NEDD4: variants seen among roughly 807,000 people sequenced by gnomAD.
NEDD4 encodes the protein E3 ubiquitin-protein ligase NEDD4.
A neutral mutation model predicts 144.9 loss-of-function variants in NEDD4; 99 were observed. That is an observed-to-expected ratio of 0.68 (90% CI 0.58 to 0.81). NEDD4 has a LOEUF of 0.81. NEDD4 is among the 30% of genes least tolerant of loss of function. The pLI is 0.00. For missense variants in NEDD4, 985 were observed against 1,065.9 expected (o/e 0.92, Z 1.06); for synonymous variants, 318 against 350.6 (o/e 0.91, Z 1.04).
intron 5 of NEDD4, among the ~76,000 whole-genome samples, chr15:55,893,863 T>G (rs2035652106): frequency 6.6e-6 from 1 of 150,910 alleles, no homozygotes; most frequent in Admixed American, 6.7e-5. Context: ...TTAACTGTTT[T>G]CTAAGGTAAA....
chr15:55,993,545 C>T lies in NEDD4; in HGVS notation c.11G>A (p.Cys4Tyr), dbSNP rs748658998. Residue 4 changes from cysteine (C) to tyrosine (Y), a missense_variant, in exon 1 of 29, where the codon TGC becomes TAC. Cys to Tyr is a radical substitution (Grantham distance 194, BLOSUM62 -2). Transcript: ENST00000435532. ...CAGGAGCCCGAACACCTCCACCGCGCAAGTTGCCATTTCCGAACGCTTCCA... is the reference window on the plus strand; with the variant it reads ...CAGGAGCCCGAACACCTCCACCGCGTAAGTTGCCATTTCCGAACGCTTCCA... MATCAVEVFGLLED... is the reference protein window; with the variant it reads MATYAVEVFGLLED... 1 of 1,596,726 alleles carries T rather than the reference C, an allele frequency of 6.3e-7. No individual in the cohort carries two copies. The highest frequency in any genetic ancestry group is 1.4e-5 in the African/African-American group (1 of 73,062).
At chr15:55,919,511 T>G (rs1025097540) in intron 5 of NEDD4, among the ~76,000 whole-genome samples, 1 of 152,190 alleles carries the variant, frequency 6.6e-6, no homozygotes, top group Non-Finnish European at 1.5e-5. Flanking sequence ...GGTCTGAAAT[T>G]GCATAGGATC....
chr15:55,839,116 C>T (rs2033349268), intron 21 of NEDD4, among the ~76,000 whole-genome samples: 1 of 151,752 alleles, frequency 6.6e-6, no homozygotes, highest in South Asian at 2.1e-4. Flanking sequence ...GCAGCCTCGA[C>T]CTCCTTGACT....
At chr15:55,843,901 G>A (rs1308498498) in intron 18 of NEDD4, among the ~76,000 whole-genome samples, 1 of 152,114 alleles carries the variant, frequency 6.6e-6, no homozygotes, top group Non-Finnish European at 1.5e-5. Flanking sequence ...AAAACATAGG[G>A]TAAGATGTCC....
chr15:55,926,255 G>A (rs1228413943), intron 4 of NEDD4, among the ~76,000 whole-genome samples: 4 of 151,974 alleles, frequency 2.6e-5, no homozygotes, highest in Admixed American at 1.3e-4. Context: ...TTGTACCTAC[G>A]GGCAACCAAT....
At chr15:55,947,818 A>G (rs1220541740) in intron 4 of NEDD4, among the ~76,000 whole-genome samples, 13 of 152,204 alleles carry the variant, frequency 8.5e-5, no homozygotes, top group Non-Finnish European at 1.5e-4. Context: ...AATAAGAGCT[A>G]TTTATGACAA....
intron 17 of NEDD4, 32 bp from the exon 18 acceptor site, chr15:55,847,066 G>GT: frequency 7.0e-7 from 1 of 1,436,648 alleles, no homozygotes; most frequent in Non-Finnish European, 9.7e-7. Context: ...AAATAAAGAA[G>GT]TTTAGGTTGT....
Position 55,852,821 on chromosome 15 carries a change from C to T in NEDD4, c.1027-278G>A, listed in dbSNP as rs561367000. 2.0e-5 allele frequency among the ~76,000 whole-genome samples: 3 copies of T among 151,860 alleles called. No homozygotes were observed. The South Asian group carries it at 6.2e-4, about 32-fold the overall frequency. ...CTGGAGTGCAGTGGTATGATCTCGG[C>T]TCACTGCAACCTCTGCTTCCTGGGT... On this transcript the variant is annotated intron_variant, in intron 12 of 28. Coordinates refer to ENST00000435532, the MANE Select transcript of NEDD4 (RefSeq NM_006154.4).
chr15:55,901,256 T>A (rs2035906672), intron 5 of NEDD4, among the ~76,000 whole-genome samples: 1 of 152,086 alleles, frequency 6.6e-6, no homozygotes, highest in Non-Finnish European at 1.5e-5. Flanking sequence ...GAGAAAAAAG[T>A]CTACAATTTT....
At chr15:55,919,245 G>A (rs2036525716) in intron 5 of NEDD4, among the ~76,000 whole-genome samples, 1 of 152,160 alleles carries the variant, frequency 6.6e-6, no homozygotes, top group African/African-American at 2.4e-5. Flanking sequence ...AGAGATGGAT[G>A]GTGTCATCAC....
chr15:55,983,907 A>C (rs989416071), intron 1 of NEDD4, among the ~76,000 whole-genome samples: 1 of 152,256 alleles, frequency 6.6e-6, no homozygotes, highest in Non-Finnish European at 1.5e-5. Flanking sequence ...CACTGCGCCC[A>C]GCCTGTTATA....
chr15:55,959,019 G>A (rs2037384892), intron 2 of NEDD4, among the ~76,000 whole-genome samples: 1 of 128,788 alleles, frequency 7.8e-6, no homozygotes, highest in Admixed American at 8.1e-5. Context: ...CTCTTTCACT[G>A]ATTTTGGCCC....
chr15:55,944,442 T>A (rs1566963153), intron 4 of NEDD4, among the ~76,000 whole-genome samples: 1 of 152,062 alleles, frequency 6.6e-6, no homozygotes, highest in Non-Finnish European at 1.5e-5. Flanking sequence ...GTAAGGGGTG[T>A]CCACCATTGC....
chr15:55,903,576 G>C (rs924044798), intron 5 of NEDD4, among the ~76,000 whole-genome samples: 1 of 152,108 alleles, frequency 6.6e-6, no homozygotes, highest in Admixed American at 6.5e-5. Context: ...TGTAATCCCA[G>C]CACTTTGGGA....
chr15:55,945,064 G>A (rs904538546), intron 4 of NEDD4, among the ~76,000 whole-genome samples: 1 of 152,042 alleles, frequency 6.6e-6, no homozygotes, highest in Non-Finnish European at 1.5e-5. Context: ...AGAAACCAGA[G>A]CAGAAAAGCT....
At chr15:55,989,034 G>A (rs547828578) in intron 1 of NEDD4, among the ~76,000 whole-genome samples, 8 of 152,192 alleles carry the variant, frequency 5.3e-5, no homozygotes, top group African/African-American at 1.7e-4. Context: ...TCAGGAGTTC[G>A]AGACCAGCCT....
chr15:55,905,392 T>C (rs2036058010), intron 5 of NEDD4: 4 of 411,738 alleles, frequency 9.7e-6, no homozygotes, highest in Non-Finnish European at 1.9e-5. Flanking sequence ...AACCCACCAG[T>C]TGAAAAGCCC....
chr15:55,905,076 G>A (rs1255267570), intron 5 of NEDD4: 1 of 318,836 alleles, frequency 3.1e-6, no homozygotes, highest in African/African-American at 2.4e-5. Context: ...TGGGCAACAA[G>A]AGCGAAATTC....
At chr15:55,861,827 G>A (rs954397682) in intron 9 of NEDD4, among the ~76,000 whole-genome samples, 7 of 152,058 alleles carry the variant, frequency 4.6e-5, no homozygotes, top group East Asian at 3.9e-4. Context: ...TATTTAATGC[G>A]ACATGAGCTC....
Sources: allele counts gnomAD v4.1 joint callset (sites outside exome capture counted in the v4.1 genomes callset), GRCh38; gene constraint gnomAD v4.1.1; transcripts MANE v1.5; gene names NCBI Gene and HGNC (gene_info 2026-07-23, HGNC 2026-07-21).